Variants in WWOX observed in about 807,000 individuals in gnomAD.
WWOX encodes the protein WW domain containing oxidoreductase, also known as WW domain-containing oxidoreductase.
In WWOX, 69 loss-of-function variants were observed where a neutral mutation model predicts 46.2. The ratio of observed to expected loss-of-function variants is 1.49; its 90% confidence interval spans 1.23 to 1.82. The LOEUF (loss-of-function observed/expected upper bound fraction) is 1.82, where lower values mean the gene tolerates loss of function less well. Among genes scored for constraint, WWOX ranks in the 40% most tolerant of loss-of-function variants. The pLI is 0.00. For missense variants in WWOX, 919 were observed against 542.6 expected, an observed-to-expected ratio of 1.69 and a Z score of -6.89; for synonymous variants, 359 against 202.6, an observed-to-expected ratio of 1.77 and a Z score of -6.56.
chr16:79,076,839 A>C (rs2048666504), intron 8 of WWOX, among the ~76,000 whole-genome samples: 1 of 152,258 alleles, frequency 6.6e-6, no homozygotes, highest in African/African-American at 2.4e-5. Flanking sequence ...GCATGTGAAT[A>C]ACAACAATGG....
intron 8 of WWOX, among the ~76,000 whole-genome samples, chr16:78,768,873 G>T (rs552567570): frequency 6.6e-6 from 1 of 152,266 alleles, no homozygotes; most frequent in South Asian, 2.1e-4. Context: ...AGCATGACCC[G>T]CCAATGCCGT....
At chr16:78,880,326 G>A (rs1336917763) in intron 8 of WWOX, among the ~76,000 whole-genome samples, 1 of 152,172 alleles carries the variant, frequency 6.6e-6, no homozygotes, top group Non-Finnish European at 1.5e-5. Context: ...ACCCGTACCT[G>A]TGGAAATTAG....
chr16:78,200,278 G>C (rs2036191278), intron 5 of WWOX, among the ~76,000 whole-genome samples: 1 of 151,942 alleles, frequency 6.6e-6, no homozygotes, highest in African/African-American at 2.4e-5. Context: ...TCACTGCTTA[G>C]TTGTCTGGGT....
At chr16:78,850,336 T>C (rs1006024987) in intron 8 of WWOX, among the ~76,000 whole-genome samples, 1 of 152,212 alleles carries the variant, frequency 6.6e-6, no homozygotes, top group Admixed American at 6.5e-5. Flanking sequence ...TTATAATACA[T>C]TGATACTACA....
Position 78,517,955 on chromosome 16 carries a change from A to T in WWOX, c.1056+85203A>T, listed in dbSNP as rs146528241. On this transcript the variant is annotated intron_variant, in intron 8 of 8. Coordinates refer to ENST00000566780, the MANE Select transcript of WWOX (RefSeq NM_016373.4). ...TCTTTTCTTTACTAGTGAGTGGCAG[A>T]TATGTGTGGACCACAGAGATGGACT... Among the ~76,000 whole-genome samples, 776 of 144,736 alleles carry T rather than the reference A, an allele frequency of 5.4e-3. 3 individuals are homozygous for T. Among genetic ancestry groups the T allele is most frequent in the Non-Finnish European group, 8.3e-3 (560 of 67,158 alleles). The allele number at this position is 144,736 out of a possible 152,430, so 95.0% of individuals were successfully genotyped here. A position where few individuals can be genotyped will look rare whatever the true frequency, so the allele number is the denominator to read the frequency against.
At chr16:79,135,900 A>G (rs962026491) in intron 8 of WWOX, among the ~76,000 whole-genome samples, 3 of 152,102 alleles carry the variant, frequency 2.0e-5, no homozygotes, top group East Asian at 1.9e-4. Flanking sequence ...CCAGCTTTCT[A>G]TAAGATTGCT....
intron 8 of WWOX, among the ~76,000 whole-genome samples, chr16:78,731,422 A>C (rs777982466): frequency 6.6e-6 from 1 of 152,148 alleles, no homozygotes; most frequent in African/African-American, 2.4e-5. Flanking sequence ...ATCTTTCTGC[A>C]CTGATCCCTT....
chr16:78,937,276 C>G (rs1044533865), intron 8 of WWOX, among the ~76,000 whole-genome samples: 1 of 152,074 alleles, frequency 6.6e-6, no homozygotes, highest in Admixed American at 6.5e-5. Context: ...ATACAAGCAA[C>G]TGTTTACCCT....
At chr16:78,245,420 G>A (rs543622423) in intron 5 of WWOX, among the ~76,000 whole-genome samples, 1 of 152,252 alleles carries the variant, frequency 6.6e-6, no homozygotes, top group Admixed American at 6.5e-5. Context: ...GAATTTCTAG[G>A]TCAAAGGTAC....
intron 8 of WWOX, among the ~76,000 whole-genome samples, chr16:79,063,260 G>A (rs1325922202): frequency 3.3e-5 from 5 of 152,146 alleles, no homozygotes; most frequent in Admixed American, 1.3e-4. Flanking sequence ...TTTTAGATAT[G>A]GTTACCCAGC....
intron 8 of WWOX, among the ~76,000 whole-genome samples, chr16:78,820,894 A>G (rs1165325970): frequency 6.6e-6 from 1 of 152,116 alleles, no homozygotes; most frequent in African/African-American, 2.4e-5. Flanking sequence ...GAAACACCAC[A>G]TTCTAATCTC....
intron 5 of WWOX, among the ~76,000 whole-genome samples, chr16:78,197,304 A>G (rs2036085484): frequency 1.3e-5 from 2 of 152,228 alleles, no homozygotes. Context: ...TTCTAATACG[A>G]TATTATACCA....
rs149413949 is a variant in WWOX, at chr16:78,514,739, C to T, written c.1056+81987C>T. On this transcript the variant is annotated intron_variant, in intron 8 of 8. Coordinates refer to ENST00000566780, the MANE Select transcript of WWOX (RefSeq NM_016373.4). Reference sequence around the variant, plus strand: ...CAGTATGTACAGGGTGGTTTTCTGGCTATATAAACACACAGGCATTGAAAA... The same window carrying T: ...CAGTATGTACAGGGTGGTTTTCTGGTTATATAAACACACAGGCATTGAAAA... Among the ~76,000 whole-genome samples the T allele has an allele frequency of 2.0e-4, 30 of 152,260 alleles. No individual in the cohort carries two copies. In the East Asian group the frequency reaches 5.6e-3, roughly 28 times the overall value.
chr16:78,659,824 TAAAC>T lies in WWOX; in HGVS notation c.1056+227074_1056+227077del, dbSNP rs1416262778. ...TCTTTTTTTACAAGTCACTCTTACT[TAAAC>T]ACACAGCATGACTCTCCTTACACAT... On this transcript the variant is annotated intron_variant, in intron 8 of 8. Coordinates refer to ENST00000566780, the MANE Select transcript of WWOX (RefSeq NM_016373.4). Among the ~76,000 whole-genome samples, 3 of 152,286 alleles carry T rather than the reference TAAAC, an allele frequency of 2.0e-5. No homozygotes were observed. In the South Asian group the frequency reaches 6.2e-4, roughly 32 times the overall value.
intron 8 of WWOX, among the ~76,000 whole-genome samples, chr16:79,017,872 TG>T (rs1416023321): frequency 6.6e-6 from 1 of 152,214 alleles, no homozygotes; most frequent in East Asian, 1.9e-4. Context: ...TCCTGTGGAC[TG>T]TAGTTTGCTG....
chr16:78,360,687 A>C (rs1195212135), intron 5 of WWOX, among the ~76,000 whole-genome samples: 1 of 91,376 alleles, frequency 1.1e-5, no homozygotes, highest in Non-Finnish European at 2.9e-5. Flanking sequence ...TCAAAACTAG[A>C]AAATAGACAA....
intron 5 of WWOX, among the ~76,000 whole-genome samples, chr16:78,171,585 G>T (rs983899264): frequency 1.3e-5 from 2 of 152,114 alleles, no homozygotes; most frequent in Non-Finnish European, 2.9e-5. Context: ...AAGTCACAGG[G>T]CTTATCTCCA....
At chr16:79,206,109 C>T (rs977520419) in intron 8 of WWOX, 1 of 152,096 alleles carries the variant, frequency 6.6e-6, no homozygotes. Context: ...TTCAATTTAG[C>T]TCCATGAGTA....
At chr16:78,410,503 G>T (rs1309079387) in intron 6 of WWOX, among the ~76,000 whole-genome samples, 4 of 151,958 alleles carry the variant, frequency 2.6e-5, no homozygotes, top group African/African-American at 7.3e-5. Context: ...GTCTTTCTTG[G>T]GCTGCAATCA....
Sources: allele counts gnomAD v4.1 joint callset (sites outside exome capture counted in the v4.1 genomes callset), GRCh38; gene constraint gnomAD v4.1.1; transcripts MANE v1.5; gene names NCBI Gene and HGNC (gene_info 2026-07-23, HGNC 2026-07-21).